The following TCERG1 variants were observed in gnomAD, a reference collection of about 807,000 sequenced individuals.
TCERG1 encodes the protein TATA box binding protein (TBP)-associated factor, RNA polymerase II, S, 150kD.
In TCERG1, 37 loss-of-function variants were observed where a neutral mutation model predicts 144.7. That is an observed-to-expected ratio of 0.26 (90% CI 0.20 to 0.34). The LOEUF (loss-of-function observed/expected upper bound fraction) is 0.34. TCERG1 is among the 10% of genes least tolerant of loss of function. TCERG1 has a pLI of 1.00. For missense variants in TCERG1, 1,027 were observed against 1,380.7 expected, an observed-to-expected ratio of 0.74 and a Z score of 4.06; for synonymous variants, 492 against 458.2, an observed-to-expected ratio of 1.07 and a Z score of -0.94.
chr5:146,490,271 G>A (rs1766270087), intron 15 of TCERG1, among the ~76,000 whole-genome samples: 2 of 152,172 alleles, frequency 1.3e-5, no homozygotes, highest in Admixed American at 1.3e-4. Context: ...AGTGGATGAA[G>A]ATTGGTAGAC....
intron 1 of TCERG1, among the ~76,000 whole-genome samples, chr5:146,449,785 A>T (rs1312689977): frequency 6.6e-6 from 1 of 152,246 alleles, no homozygotes; most frequent in Admixed American, 6.5e-5. Flanking sequence ...TAGACGTTCC[A>T]AATACCATTA....
intron 17 of TCERG1, chr5:146,499,658 T>C (rs1352334014): frequency 2.0e-5 from 3 of 152,240 alleles, no homozygotes; most frequent in Non-Finnish European, 2.9e-5. Context: ...TTTGCTACTT[T>C]TGATTTTAGA....
chr5:146,473,651 AT>A lies in TCERG1; in HGVS notation c.1601+2079del, dbSNP rs564333942. On this transcript the variant is annotated intron_variant, in intron 9 of 22. Transcript: ENST00000679501. ...AAGTTGAAGCCACTGCTCATTTACC[AT>A]TTTGAAAATCCTAGGGCCCTTGAGA... is the stretch of plus-strand genomic sequence containing the variant. 6.6e-5 allele frequency among the ~76,000 whole-genome samples: 10 copies of A among 152,264 alleles called. No individual in the cohort carries two copies. The East Asian group carries it at 1.9e-3, about 29-fold the overall frequency.
chr5:146,479,934 G>C, intron 11 of TCERG1, 23 bp downstream of exon 11: 1 of 1,612,204 alleles, frequency 6.2e-7, no homozygotes, highest in South Asian at 1.1e-5. Flanking sequence ...ACCATAAATT[G>C]CAGCTTCTTT....
At chr5:146,453,428 A>G (rs1762530633) in intron 1 of TCERG1, among the ~76,000 whole-genome samples, 1 of 152,232 alleles carries the variant, frequency 6.6e-6, no homozygotes. Context: ...CTGTGAGGGT[A>G]AGGTATACCT....
chr5:146,460,456 T>G (rs1183674751), intron 4 of TCERG1, among the ~76,000 whole-genome samples: 1 of 151,814 alleles, frequency 6.6e-6, no homozygotes, highest in African/African-American at 2.4e-5. Context: ...GTTATGGCAC[T>G]TGTCTCAAGA....
intron 9 of TCERG1, among the ~76,000 whole-genome samples, chr5:146,476,107 C>T (rs999343732): frequency 6.6e-6 from 1 of 152,100 alleles, no homozygotes; most frequent in Non-Finnish European, 1.5e-5. Flanking sequence ...CAGACCTAGA[C>T]TGAGCCATTT....
chr5:146,468,333 T>A lies in TCERG1; in HGVS notation c.1136-8T>A. ...TTTCCAACGTATGCTTGCTTATCCATTTTACAGGTGTAGCAATGATGCAAA... is the reference window on the plus strand; with the variant it reads ...TTTCCAACGTATGCTTGCTTATCCAATTTACAGGTGTAGCAATGATGCAAA... On this transcript the variant is annotated splice_polypyrimidine_tract_variant and splice_region_variant and intron_variant, in intron 5 of 22. Coordinates refer to ENST00000679501, the MANE Select transcript of TCERG1 (RefSeq NM_001382548.1). The A allele has an allele frequency of 1.9e-6, 3 of 1,596,048 alleles. No individual in the cohort carries two copies. The highest frequency in any genetic ancestry group is 1.7e-6 in the Non-Finnish European group (2 of 1,170,524).
intron 15 of TCERG1, among the ~76,000 whole-genome samples, chr5:146,491,829 A>G (rs1766455186): frequency 1.3e-5 from 2 of 152,182 alleles, no homozygotes; most frequent in Admixed American, 1.3e-4. Flanking sequence ...CTGCTGTTTT[A>G]AGTGTCAAGT....
chr5:146,457,268 C>G lies in TCERG1; in HGVS notation c.371C>G (p.Ala124Gly), dbSNP rs140206629. ...CCACCAGGAATGCCTCCTGTGACTG[C>G]TCCTGGTACTCCAGCACTACCTCCT... ...MFPPGMPPVT[A>G]PGTPALPPTE... Residue 124 changes from alanine (A) to glycine (G), a missense_variant, in exon 3 of 23, where the codon GCT becomes GGT. Transcript: ENST00000679501. 1.2e-6 allele frequency: 2 copies of G among 1,613,980 alleles called. No individual in the cohort carries two copies. The highest frequency in any genetic ancestry group is 2.7e-5 in the African/African-American group (2 of 74,936).
Position 146,507,255 on chromosome 5 carries a change from G to C in TCERG1, c.2961+48G>C. 6.7e-7 allele frequency: 1 copy of C among 1,487,864 alleles called. No homozygotes were observed. The highest frequency in any genetic ancestry group is 9.0e-7 in the Non-Finnish European group (1 of 1,115,548). The allele number at this position is 1,487,864 out of a possible 1,614,324, so 92.2% of individuals were successfully genotyped here. A position where few individuals can be genotyped will look rare whatever the true frequency, so the allele number is the denominator to read the frequency against. The stretch of plus-strand genomic sequence containing the variant: ...ATTTTAATCTGGATGAATCTTGTTA[G>C]TAATTTCTTAAAGCAAAGCATTGAT... On this transcript the variant is annotated intron_variant, in intron 20 of 22. Coordinates refer to ENST00000679501, the MANE Select transcript of TCERG1 (RefSeq NM_001382548.1). The surrounding 1 kb of genome is among the most constrained non-coding windows in gnomAD (Gnocchi z 4.6).
intron 15 of TCERG1, among the ~76,000 whole-genome samples, chr5:146,487,053 G>A (rs1190953403): frequency 1.1e-4 from 16 of 151,804 alleles, no homozygotes; most frequent in Admixed American, 9.8e-4. Context: ...TTGTGCCATC[G>A]CACTCCACCC....
At chr5:146,458,356 T>G (rs189737341) in intron 3 of TCERG1, among the ~76,000 whole-genome samples, 13 of 151,916 alleles carry the variant, frequency 8.6e-5, no homozygotes, top group Admixed American at 6.5e-4. Context: ...TTTTGTATTT[T>G]TAGTAGAGAC....
intron 16 of TCERG1, among the ~76,000 whole-genome samples, chr5:146,493,920 C>T (rs769971641): frequency 7.2e-5 from 11 of 152,088 alleles, no homozygotes; most frequent in Non-Finnish European, 1.0e-4. Context: ...TTATTATAAA[C>T]GTTCATCTTA....
Position 146,479,921 on chromosome 5 carries a change from C to G in TCERG1, c.1819+10C>G, listed in dbSNP as rs759293779. The G allele has an allele frequency of 1.2e-6, 2 of 1,612,622 alleles. No individual in the cohort carries two copies. Among genetic ancestry groups the G allele is most frequent in the Admixed American group, 1.7e-5 (1 of 59,980 alleles). On this transcript the variant is annotated intron_variant, in intron 11 of 22. Coordinates refer to ENST00000679501, the MANE Select transcript of TCERG1 (RefSeq NM_001382548.1). ...TTCTCTATGAGTGCAAGTGAGTGAACTAACCATAAATTGCAGCTTCTTTTT... is the reference window on the plus strand; with the variant it reads ...TTCTCTATGAGTGCAAGTGAGTGAAGTAACCATAAATTGCAGCTTCTTTTT...
At chr5:146,448,080 C>T (rs535527341) in intron 1 of TCERG1, among the ~76,000 whole-genome samples, 2 of 152,242 alleles carry the variant, frequency 1.3e-5, no homozygotes, top group Non-Finnish European at 2.9e-5. Flanking sequence ...CTCACAACCA[C>T]CCTTTGGAGT....
In TCERG1 at chr5:146,470,649, G is replaced by A; in HGVS notation, c.1413G>A (p.Glu471=). ...QELKEKEKLE[E]KIKEPIKEPS... ...TTTTTTTCATAGAAAAGTTAGAAGA[G>A]AAGATTAAAGAGCCAATTAAAGAAC... The change falls in exon 8 of 23, where the codon GAG becomes GAA. Residue 471 remains glutamate (E), a synonymous_variant. Transcript: ENST00000679501. 1 of 1,601,312 alleles carries A rather than the reference G, an allele frequency of 6.2e-7. No homozygotes were observed. The highest frequency in any genetic ancestry group is 8.5e-7 in the Non-Finnish European group (1 of 1,177,046).
rs1056454418 is a variant in TCERG1, at chr5:146,466,089, A to G, written c.1136-2252A>G. Among the ~76,000 whole-genome samples the G allele has an allele frequency of 3.3e-5, 5 of 150,998 alleles. No homozygotes were observed. The East Asian group carries it at 7.9e-4, about 24-fold the overall frequency. On this transcript the variant is annotated intron_variant, in intron 5 of 22. Coordinates refer to ENST00000679501, the MANE Select transcript of TCERG1 (RefSeq NM_001382548.1). ...TGTTTATTAAGACTTTTTGGTATTGATATTTGTTCACTTTTCTCATTTTCC... is the reference window on the plus strand; with the variant it reads ...TGTTTATTAAGACTTTTTGGTATTGGTATTTGTTCACTTTTCTCATTTTCC...
Position 146,507,282 on chromosome 5 carries a change from T to A in TCERG1, c.2961+75T>A, listed in dbSNP as rs573500610. ...AATTTCTTAAAGCAAAGCATTGATA[T>A]GATTTTTAGTGTCATGGTCTTTAGA... On this transcript the variant is annotated intron_variant, in intron 20 of 22. Coordinates refer to ENST00000679501, the MANE Select transcript of TCERG1 (RefSeq NM_001382548.1). The surrounding 1 kb of genome is among the most constrained non-coding windows in gnomAD (Gnocchi z 4.6). 2 of 1,351,350 alleles carry A rather than the reference T, an allele frequency of 1.5e-6. No individual in the cohort carries two copies. The highest frequency in any genetic ancestry group is 1.6e-5 in the South Asian group (1 of 62,258). 83.7% of individuals were successfully genotyped at this position (1,351,350 alleles called of 1,614,324 possible).
Sources: allele counts gnomAD v4.1 joint callset (sites outside exome capture counted in the v4.1 genomes callset), GRCh38; gene constraint gnomAD v4.1.1; non-coding constraint Gnocchi (gnomAD v3.1); transcripts MANE v1.5; gene names NCBI Gene and HGNC (gene_info 2026-07-23, HGNC 2026-07-21).